The following LRRC53 variants were observed in gnomAD, a reference collection of about 807,000 sequenced individuals.
LRRC53 encodes leucine rich repeat containing 53.
In LRRC53, 25 loss-of-function variants were observed where a neutral mutation model predicts 13.6. That is an observed-to-expected ratio of 1.83 (90% CI 1.34 to 2.56). LRRC53 has a LOEUF of 2.56. Ranked by LOEUF, LRRC53 falls within the 30% of genes most tolerant of loss-of-function variation. LRRC53 has a pLI of 0.00. For synonymous variants in LRRC53, 204 were observed against 109.8 expected, an observed-to-expected ratio of 1.86 and a Z score of -5.37; for missense variants, 527 against 275.8, an observed-to-expected ratio of 1.91 and a Z score of -6.45.
intron 1 of LRRC53, among the ~76,000 whole-genome samples, chr1:74,501,705 T>C (rs1466527300): frequency 6.6e-6 from 1 of 152,068 alleles, no homozygotes; most frequent in Non-Finnish European, 1.5e-5. Flanking sequence ...GTCAGGCTGG[T>C]TGTGTATTCC....
intron 3 of LRRC53, among the ~76,000 whole-genome samples, chr1:74,476,832 T>G (rs12140875): frequency 2.3e-3 from 353 of 152,256 alleles, no homozygotes; most frequent in Non-Finnish European, 4.4e-3. Context: ...AATGAAAACA[T>G]ATTTTTAAAA....
intron 1 of LRRC53, among the ~76,000 whole-genome samples, chr1:74,500,691 A>T (rs1485268910): frequency 2.7e-5 from 4 of 149,600 alleles, no homozygotes; most frequent in Admixed American, 6.7e-5. Flanking sequence ...GGAAGTAAAC[A>T]AATGAAAAAC....
In LRRC53 at chr1:74,471,672, C is replaced by A. The variant is rs1019257671; in HGVS notation, c.1950G>T (p.Arg650Ser). 2.5e-6 allele frequency: 1 copy of A among 400,662 alleles called. No homozygotes were observed. Among genetic ancestry groups the A allele is most frequent in the African/African-American group, 2.1e-5 (1 of 48,664 alleles). The allele number at this position is 400,662 out of a possible 1,614,324, so 24.8% of individuals were successfully genotyped here. Residue 650 changes from arginine (R) to serine (S), a missense_variant, in exon 5 of 5, where the codon AGG (arginine) becomes AGT (serine). Transcript: ENST00000294635. Reference protein sequence around the residue: ...FHDPDLVEINRSMMSPKISTP... With the variant: ...FHDPDLVEINSSMMSPKISTP... ...TTGATATTTTGGGTGACATCATCGA[C>A]CTATTTATTTCTACTAAATCAGGAT...
At chr1:74,518,739 A>G in the LRRC53 span, among the ~76,000 whole-genome samples, 1 of 152,280 alleles carries the variant, frequency 6.6e-6, no homozygotes, top group African/African-American at 2.4e-5. Flanking sequence ...TTGCTTTTAT[A>G]TAATTTATTT....
chr1:74,515,845 T>C (rs1055614102), upstream of LRRC53, among the ~76,000 whole-genome samples: 4 of 152,230 alleles, frequency 2.6e-5, no homozygotes, highest in East Asian at 1.9e-4. Flanking sequence ...TTCTTTAGAC[T>C]GGAGATCATT....
intron 1 of LRRC53, among the ~76,000 whole-genome samples, chr1:74,508,150 C>G (rs1197353797): frequency 6.6e-6 from 1 of 152,104 alleles, no homozygotes; most frequent in African/African-American, 2.4e-5. Flanking sequence ...GGTGGCCTTG[C>G]CAAAGAGATG....
At position 74,512,525 on chromosome 1, in the gene LRRC53, C is replaced by T. The variant is rs1394340398; in HGVS notation, c.-27+1G>A. On this transcript the variant is annotated splice_donor_variant, in intron 1 of 4. Transcript: ENST00000294635. LOFTEE classifies it low-confidence loss of function (5UTR_SPLICE). ...ACACCAAAAGAAAGAAATTAACTTA[C>T]CCAAAGGTCTCACAGCTTGTAGTTT... 1 of 152,166 alleles carries T rather than the reference C, an allele frequency of 6.6e-6. No individual in the cohort carries two copies. The highest frequency in any genetic ancestry group is 2.4e-5 in the African/African-American group (1 of 41,444). 9.4% of individuals were successfully genotyped at this position (152,166 alleles called of 1,614,324 possible). A position where few individuals can be genotyped will look rare whatever the true frequency, so the allele number is the denominator to read the frequency against.
At chr1:74,533,213 A>G in the LRRC53 span, among the ~76,000 whole-genome samples, 1 of 152,196 alleles carries the variant, frequency 6.6e-6, no homozygotes, top group South Asian at 2.1e-4. Context: ...TCAAATTTAC[A>G]AGAAAAAAAC....
chr1:74,470,247 T>A lies in LRRC53; in HGVS notation c.3375A>T (p.Ile1125=), dbSNP rs573306318. Residue 1125 remains isoleucine, a synonymous_variant, in exon 5 of 5, where the codon ATA becomes ATT. Transcript: ENST00000294635. The part of the protein sequence containing the change: ...TWENGTSEKY[I]LHDASSAEET... ...CCTCGGCAGAGCTTGCATCATGTAA[T>A]ATATATTTTTCACTTGTTCCATTTT... The A allele has an allele frequency of 5.0e-6, 2 of 400,732 alleles. No homozygotes were observed. Among genetic ancestry groups the A allele is most frequent in the South Asian group, 2.5e-4 (2 of 7,950 alleles). 24.8% of individuals were successfully genotyped at this position (400,732 alleles called of 1,614,324 possible). A position where few individuals can be genotyped will look rare whatever the true frequency, so the allele number is the denominator to read the frequency against.
the LRRC53 span, among the ~76,000 whole-genome samples, chr1:74,518,248 G>C: frequency 2.9e-3 from 435 of 152,312 alleles, 3 homozygotes; most frequent in African/African-American, 9.7e-3. Context: ...CTGCTTTTCA[G>C]TCTGGATGGC....
intron 1 of LRRC53, among the ~76,000 whole-genome samples, chr1:74,490,256 T>TA (rs1218853428): frequency 2.0e-5 from 3 of 152,126 alleles, no homozygotes; most frequent in Non-Finnish European, 4.4e-5. Context: ...TACTGGGACT[T>TA]ACAGAAAGTG....
chr1:74,485,250 T>C (rs78189446), intron 1 of LRRC53, among the ~76,000 whole-genome samples: 2,007 of 152,308 alleles, frequency 0.013, 37 homozygotes, highest in African/African-American at 0.046. Flanking sequence ...CAGAGTACAG[T>C]GAATTTCCAT....
At chr1:74,481,014 G>A in intron 2 of LRRC53, 46 bp from the exon 3 acceptor site, 1 of 661,346 alleles carries the variant, frequency 1.5e-6, no homozygotes, top group South Asian at 1.7e-5. Flanking sequence ...CACATGAGTG[G>A]GAGGGAGGGG....
intron 3 of LRRC53, among the ~76,000 whole-genome samples, chr1:74,476,607 T>C (rs1040702578): frequency 5.9e-5 from 9 of 152,136 alleles, no homozygotes; most frequent in African/African-American, 2.2e-4. Context: ...GGATTCTGTT[T>C]ATGAATTCTG....
chr1:74,495,077 G>A (rs547030072), intron 1 of LRRC53, among the ~76,000 whole-genome samples: 1 of 152,254 alleles, frequency 6.6e-6, no homozygotes, highest in South Asian at 2.1e-4. Flanking sequence ...CAGCTTTTTT[G>A]AGATGCTCCT....
chr1:74,530,476 C>T, the LRRC53 span, among the ~76,000 whole-genome samples: 2 of 152,052 alleles, frequency 1.3e-5, no homozygotes, highest in African/African-American at 4.8e-5. Flanking sequence ...GTCCCTGGCG[C>T]TTAGCAGGTA....
the LRRC53 span, among the ~76,000 whole-genome samples, chr1:74,520,148 C>T: frequency 5.1e-5 from 2 of 39,172 alleles, no homozygotes; most frequent in Non-Finnish European, 1.1e-4. Flanking sequence ...TTATCCCATA[C>T]CCCCTTTCCA....
upstream of LRRC53, among the ~76,000 whole-genome samples, chr1:74,515,357 A>C (rs1283127744): frequency 6.6e-6 from 1 of 152,256 alleles, no homozygotes; most frequent in Non-Finnish European, 1.5e-5. Context: ...GAAAACCCAC[A>C]CCTAACCCAG....
the LRRC53 span, among the ~76,000 whole-genome samples, chr1:74,529,581 A>G: frequency 6.6e-6 from 1 of 152,350 alleles, no homozygotes; most frequent in East Asian, 1.9e-4. Context: ...GGCGTCTGAG[A>G]GTAGATGGAA....
Sources: allele counts gnomAD v4.1 joint callset (sites outside exome capture counted in the v4.1 genomes callset), GRCh38; gene constraint gnomAD v4.1.1; transcripts MANE v1.5; gene names NCBI Gene and HGNC (gene_info 2026-07-23, HGNC 2026-07-21).